DOCK1: variants seen among roughly 807,000 people sequenced by gnomAD.
The protein encoded by DOCK1 is dedicator of cytokinesis protein 1.
In DOCK1, 138 loss-of-function variants were observed where a neutral mutation model predicts 262.7. That is an observed-to-expected ratio of 0.53 (90% CI 0.46 to 0.61). DOCK1 has a LOEUF of 0.61. DOCK1 is among the 20% of genes least tolerant of loss of function. The pLI is 0.00. For missense variants in DOCK1, 1,908 were observed against 2,370.7 expected (o/e 0.80, Z 4.05); for synonymous variants, 866 against 867.4 (o/e 1.00, Z 0.03).
intron 40 of DOCK1, among the ~76,000 whole-genome samples, chr10:127,408,512 T>G (rs2067653068): frequency 6.6e-6 from 1 of 152,232 alleles, no homozygotes; most frequent in African/African-American, 2.4e-5. Context: ...CGGCTGTGTC[T>G]CACAGGAGTC....
intron 46 of DOCK1, among the ~76,000 whole-genome samples, chr10:127,420,896 AGTTTATTTGTTT>A (rs1205494791): frequency 4.3e-4 from 50 of 117,314 alleles, no homozygotes; most frequent in African/African-American, 1.2e-3. Flanking sequence ...CACCGTGAGC[AGTTTATTTGTTT>A]GTTTGTTTGT....
intron 25 of DOCK1, among the ~76,000 whole-genome samples, chr10:127,117,492 A>G (rs1246099868): frequency 6.6e-6 from 1 of 152,278 alleles, no homozygotes; most frequent in Non-Finnish European, 1.5e-5. Flanking sequence ...ATAAATAAAC[A>G]TACAAATAAA....
intron 22 of DOCK1, among the ~76,000 whole-genome samples, chr10:127,054,290 A>G (rs563910046): frequency 3.0e-4 from 46 of 152,308 alleles, no homozygotes; most frequent in African/African-American, 1.1e-3. Flanking sequence ...GGTAACCACT[A>G]GTGATGTGTT....
chr10:127,361,986 G>T (rs1392500864), intron 32 of DOCK1, 78 bp from the exon 33 acceptor site: 5 of 1,418,512 alleles, frequency 3.5e-6, no homozygotes, highest in Non-Finnish European at 3.8e-6. Flanking sequence ...GATCTGTGTT[G>T]TGTTGTTTTA....
intron 48 of DOCK1, among the ~76,000 whole-genome samples, chr10:127,438,729 TA>T (rs920482544): frequency 3.3e-5 from 5 of 152,242 alleles, no homozygotes; most frequent in Non-Finnish European, 2.9e-5. Flanking sequence ...AAATATGCCC[TA>T]AATACCATCC....
At chr10:127,097,805 A>G (rs2047999798) in intron 23 of DOCK1, among the ~76,000 whole-genome samples, 1 of 152,264 alleles carries the variant, frequency 6.6e-6, no homozygotes, top group East Asian at 1.9e-4. Context: ...GAACAGGCGA[A>G]GAGTAAAGAA....
At chr10:127,125,626 G>T in intron 26 of DOCK1, 25 bp downstream of exon 26, 1 of 1,602,018 alleles carries the variant, frequency 6.2e-7, no homozygotes, top group Non-Finnish European at 8.5e-7. Flanking sequence ...TGTGCGTGAC[G>T]TCCTGCCATT....
chr10:127,386,437 T>C (rs1385361671), intron 38 of DOCK1, among the ~76,000 whole-genome samples: 2 of 151,932 alleles, frequency 1.3e-5, no homozygotes, highest in Admixed American at 1.3e-4. Flanking sequence ...TTTACAGCCG[T>C]TCCCCATCGC....
chr10:127,309,914 T>A (rs561613180), intron 29 of DOCK1, among the ~76,000 whole-genome samples: 1 of 150,936 alleles, frequency 6.6e-6, no homozygotes, highest in South Asian at 2.1e-4. Flanking sequence ...CTCACTCTAC[T>A]ACCCAGGCTG....
chr10:126,980,471 C>T (rs919686527), intron 3 of DOCK1, among the ~76,000 whole-genome samples: 15 of 152,152 alleles, frequency 9.9e-5, no homozygotes, highest in African/African-American at 3.6e-4. Context: ...CCCGAAGTGC[C>T]GGTTGCAGGT....
chr10:127,433,571 A>C, intron 48 of DOCK1, 143 bp downstream of exon 48: 1 of 1,197,396 alleles, frequency 8.4e-7, no homozygotes, highest in Non-Finnish European at 1.1e-6. Context: ...AGACCCTCCG[A>C]GACTTTCTGA....
chr10:127,440,929 G>T (rs917727366), intron 49 of DOCK1, among the ~76,000 whole-genome samples: 2 of 152,216 alleles, frequency 1.3e-5, no homozygotes, highest in East Asian at 3.8e-4. Flanking sequence ...AAGTTGAGAT[G>T]CCCACCACCC....
At chr10:126,937,958 G>C (rs2034667335) in intron 1 of DOCK1, among the ~76,000 whole-genome samples, 1 of 151,932 alleles carries the variant, frequency 6.6e-6, no homozygotes, top group African/African-American at 2.4e-5. Flanking sequence ...CCTGTTTCCT[G>C]CTAAGAGTTT....
chr10:126,989,107 A>G (rs999586971), intron 5 of DOCK1, among the ~76,000 whole-genome samples: 3 of 151,350 alleles, frequency 2.0e-5, no homozygotes, highest in East Asian at 3.9e-4. Context: ...TTTGCTGCAC[A>G]TTGTAGATAT....
intron 27 of DOCK1, among the ~76,000 whole-genome samples, chr10:127,218,959 A>G (rs142802276): frequency 6.6e-6 from 1 of 152,266 alleles, no homozygotes; most frequent in Non-Finnish European, 1.5e-5. Flanking sequence ...TGGAAAGGGA[A>G]GCCAACCTAG....
intron 1 of DOCK1, among the ~76,000 whole-genome samples, chr10:126,960,740 A>G (rs1487286523): frequency 2.9e-5 from 4 of 137,568 alleles, no homozygotes; most frequent in Non-Finnish European, 6.1e-5. Flanking sequence ...ATATATATAT[A>G]TATATACACA....
chr10:127,096,695 T>TA (rs1488570729), intron 23 of DOCK1, among the ~76,000 whole-genome samples: 1 of 151,812 alleles, frequency 6.6e-6, no homozygotes, highest in Non-Finnish European at 1.5e-5. Context: ...GAGAGACACT[T>TA]ACAACCTTAA....
chr10:127,337,620 G>A (rs1282170658), intron 29 of DOCK1, among the ~76,000 whole-genome samples: 1 of 152,186 alleles, frequency 6.6e-6, no homozygotes, highest in Non-Finnish European at 1.5e-5. Flanking sequence ...AATGGACAAG[G>A]CAGCAATGCC....
rs533112005 is a variant in DOCK1, at chr10:127,214,767, A to G, written c.2848-33241A>G. Among the ~76,000 whole-genome samples, 3 of 152,268 alleles carry G rather than the reference A, an allele frequency of 2.0e-5. No homozygotes were observed. In the East Asian group the frequency reaches 5.8e-4, roughly 29 times the overall value. On this transcript the variant is annotated intron_variant, in intron 27 of 51. Transcript: ENST00000623213. The stretch of plus-strand genomic sequence containing the variant: ...TTACCTTAGGGAAACAGAGGCCCCC[A>G]GTGTTTCTTAGGCTTCAGAAGTGTG...
Sources: gnomAD v4.1 joint callset for allele counts (sites outside exome capture counted in the v4.1 genomes callset) on GRCh38, gnomAD v4.1.1 for gene constraint, MANE v1.5 for transcripts, NCBI Gene and HGNC (gene_info 2026-07-23, HGNC 2026-07-21) for gene names.